TAF11L12: variants seen among roughly 807,000 people sequenced by gnomAD.
TAF11L12 encodes TATA-box-binding protein-associated factor 11-like protein 12.
rs1331241072 is a variant in TAF11L12 at position 17,611,250 on chromosome 5, T to C, written c.261T>C (p.Asp87=). 34 of 398,096 alleles carry C rather than the reference T, an allele frequency of 8.5e-5. 2 individuals are homozygous for C. Among genetic ancestry groups the C allele is most frequent in the Non-Finnish European group, 2.2e-5 (5 of 225,820 alleles). The allele number at this position is 398,096 out of a possible 1,614,324, so 24.7% of individuals were successfully genotyped here. A position where few individuals can be genotyped will look rare whatever the true frequency, so the allele number is the denominator to read the frequency against. Residue 87 remains aspartate (D), a synonymous_variant, in exon 1 of 1, where the codon GAT becomes GAC. Coordinates refer to ENST00000503184, the Ensembl canonical transcript of TAF11L12. ...AGAAGGAGAGGAAGCCCACCGTGGA[T>C]GCAGAGGAGGCTCAGATGACAACCC...
chr5:17,611,246 T>G (rs1464530329), exon 1 of TAF11L12: 1 of 398,178 alleles, frequency 2.5e-6, no homozygotes, highest in Middle Eastern at 6.3e-4. Flanking sequence ...AAGCCCACCG[T>G]GGATGCAGAG....
At chr5:17,610,985 C>A (rs1739264357) in exon 1 of TAF11L12, 7 of 397,820 alleles carry the variant, frequency 1.8e-5, no homozygotes, top group South Asian at 1.3e-4. Context: ...ACTTGAATCT[C>A]ACCCATGGAG....
chr5:17,611,550 C>T (rs1357799155), exon 1 of TAF11L12: 1 of 397,964 alleles, frequency 2.5e-6, no homozygotes, highest in Non-Finnish European at 4.4e-6. Context: ...AGGGCCTCTT[C>T]CCCAACAGCA....
downstream of TAF11L12, chr5:17,611,712 C>G: frequency 2.5e-6 from 1 of 394,850 alleles, no homozygotes; most frequent in Non-Finnish European, 4.5e-6. Context: ...ATCTTAGTGT[C>G]TGAAACTGTG....
At chr5:17,611,599 G>GAAT, downstream of TAF11L12, 1 of 398,100 alleles carries the variant, frequency 2.5e-6, no homozygotes, top group South Asian at 1.3e-4. Context: ...AGGCCAGAGG[G>GAAT]AAGGGTCTGT....
exon 1 of TAF11L12, chr5:17,610,560 C>T (rs1464231755): frequency 1.3e-5 from 2 of 159,764 alleles, no homozygotes; most frequent in African/African-American, 4.8e-5. Flanking sequence ...CTGCCACCAA[C>T]ACGAATGAGA....
downstream of TAF11L12, among the ~76,000 whole-genome samples, chr5:17,611,803 G>A (rs544403859): frequency 6.6e-6 from 1 of 151,492 alleles, no homozygotes; most frequent in South Asian, 2.1e-4. Context: ...GGGGCATATT[G>A]AGGCATTTTT....
chr5:17,611,357 C>G (rs915086721), exon 1 of TAF11L12: 8 of 397,888 alleles, frequency 2.0e-5, no homozygotes, highest in South Asian at 1.3e-4. Flanking sequence ...CGCATTGCAG[C>G]TCTGATGCAG....
In TAF11L12 at chr5:17,610,799, C is replaced by A. The variant is rs1209706767; in HGVS notation, c.-191C>A. ...TTTCTTCACATTGTGGAAGTGAGAA[C>A]ATTCAGTGTGTGTGTTTGCATGTGG... is the stretch of plus-strand genomic sequence containing the variant. On this transcript the variant is annotated 5_prime_UTR_variant, in exon 1 of 1. Transcript: ENST00000503184. The A allele has an allele frequency of 3.6e-5, 14 of 387,904 alleles. No individual in the cohort carries two copies. The East Asian group carries it at 3.6e-4, about 10-fold the overall frequency. The allele number at this position is 387,904 out of a possible 1,614,324, so 24.0% of individuals were successfully genotyped here.
At chr5:17,611,186 C>A in exon 1 of TAF11L12, 1 of 398,150 alleles carries the variant, frequency 2.5e-6, no homozygotes, top group Non-Finnish European at 4.4e-6. Flanking sequence ...GCCTCAGCTC[C>A]TCCTGCAGCC....
chr5:17,611,611 T>C, downstream of TAF11L12: 3 of 398,052 alleles, frequency 7.5e-6, 1 homozygote, highest in Non-Finnish European at 1.3e-5. Context: ...AGGGTCTGTT[T>C]GTGCAGGAAT....
At chr5:17,611,676 C>A, downstream of TAF11L12, 1 of 396,512 alleles carries the variant, frequency 2.5e-6, no homozygotes, top group Non-Finnish European at 4.4e-6. Context: ...GCTTCCTTAT[C>A]TCAGTCCACC....
downstream of TAF11L12, among the ~76,000 whole-genome samples, chr5:17,612,038 A>G (rs1341561698): frequency 2.0e-5 from 3 of 151,494 alleles, no homozygotes; most frequent in Non-Finnish European, 4.4e-5. Context: ...CAATGCTCAT[A>G]TGTATTTGTT....
At chr5:17,611,574 C>G in exon 1 of TAF11L12, 1 of 398,060 alleles carries the variant, frequency 2.5e-6, no homozygotes, top group Non-Finnish European at 4.4e-6. Context: ...ATAAAAAAAT[C>G]ATGTTCTAAG....
At chr5:17,611,025 G>A in exon 1 of TAF11L12, 1 of 397,936 alleles carries the variant, frequency 2.5e-6, no homozygotes, top group Admixed American at 4.4e-5. Context: ...CGTCTGCTGA[G>A]ATGTTCGCCA....
At chr5:17,610,441 G>T (rs139026692), upstream of TAF11L12, 1,084 of 152,114 alleles carry the variant, frequency 7.1e-3, 31 homozygotes, top group Middle Eastern at 0.014. Context: ...GACCTAGGGA[G>T]CCTCACAGCC....
At chr5:17,610,542 A>ATTG (rs1739255966) in exon 1 of TAF11L12, 7 of 154,746 alleles carry the variant, frequency 4.5e-5, no homozygotes, top group East Asian at 1.9e-4. Context: ...ACCCTAAGGC[A>ATTG]TTGAATTCTG....
exon 1 of TAF11L12, chr5:17,610,621 A>G: frequency 5.0e-6 from 1 of 201,012 alleles, no homozygotes; most frequent in Non-Finnish European, 9.9e-6. Context: ...AGCCAGACCC[A>G]TCCTGGAGGT....
Position 17,611,469 on chromosome 5 carries a change from C to T in TAF11L12, c.480C>T (p.Cys160=), listed in dbSNP as rs551115821. The change falls in exon 1 of 1, where the codon TGC becomes TGT. Residue 160 remains cysteine (C), a synonymous_variant. Transcript: ENST00000503184. Reference sequence around the variant, plus strand: ...TGGTGGAAGAGGCCCTGGACGTGTGCGAGATGTGGGGAGAAACGCCCCCGC... The same window carrying T: ...TGGTGGAAGAGGCCCTGGACGTGTGTGAGATGTGGGGAGAAACGCCCCCGC... The T allele has an allele frequency of 1.9e-4, 76 of 397,838 alleles. 2 individuals carry two copies. The highest frequency in any genetic ancestry group is 4.1e-4 in the African/African-American group (20 of 48,330). 24.6% of individuals were successfully genotyped at this position (397,838 alleles called of 1,614,324 possible).
Sources: allele counts gnomAD v4.1 joint callset (sites outside exome capture counted in the v4.1 genomes callset), GRCh38; gene constraint gnomAD v4.1.1; transcripts MANE v1.5; gene names NCBI Gene and HGNC (gene_info 2026-07-23, HGNC 2026-07-21).